Variants in HUWE1 observed in about 807,000 individuals in gnomAD.
HUWE1 encodes the protein HECT, UBA and WWE domain containing E3 ubiquitin protein ligase 1.
Under a neutral mutation model 299.4 loss-of-function variants are expected in HUWE1, and 18 were observed. That is an observed-to-expected ratio of 0.06 (90% CI 0.04 to 0.09). The LOEUF is 0.09. HUWE1 is among the 10% of genes least tolerant of loss of function. The probability of loss-of-function intolerance (pLI) is 1.00; values close to 1 mark genes in which losing one functional copy is unlikely to be tolerated. For synonymous variants in HUWE1, 1,317 were observed against 1,286.1 expected (o/e 1.02, Z -0.51); for missense variants, 1,832 against 3,462.3 (o/e 0.53, Z 11.82).
chrX:53,536,319 G>T, intron 79 of HUWE1, 61 bp downstream of exon 79: 1 of 1,159,384 alleles, frequency 8.6e-7, no homozygotes, highest in African/African-American at 1.8e-5. Flanking sequence ...ACAAGGATGG[G>T]ACACAAAAAG....
chrX:53,627,611 A>G, intron 16 of HUWE1, 96 bp from the exon 17 acceptor site: 1 of 774,605 alleles, frequency 1.3e-6, no homozygotes, highest in Non-Finnish European at 1.9e-6. Flanking sequence ...AAACACTGCA[A>G]GCAGATACAC....
intron 3 of HUWE1, 103 bp from the exon 4 acceptor site, chrX:53,654,234 C>T (rs895373541): frequency 1.5e-5 from 8 of 544,868 alleles, no homozygotes; most frequent in Non-Finnish European, 2.5e-5. Flanking sequence ...ATGCAAAATG[C>T]TTAAAGTAAA....
chrX:53,675,555 A>G (rs143524437), intron 3 of HUWE1, among the ~76,000 whole-genome samples: 344 of 111,023 alleles, frequency 3.1e-3, no homozygotes, highest in African/African-American at 0.011. Flanking sequence ...TGAGTTTCTC[A>G]AGGGCAGAGA....
intron 67 of HUWE1, 119 bp downstream of exon 67, chrX:53,548,840 G>T: frequency 1.8e-5 from 11 of 609,305 alleles, no homozygotes; most frequent in South Asian, 1.7e-4. Context: ...AAACAATACA[G>T]GGCTCAACAC....
chrX:53,612,327 T>TG (rs1201608750), intron 23 of HUWE1, among the ~76,000 whole-genome samples: 1 of 112,029 alleles, frequency 8.9e-6, no homozygotes, highest in East Asian at 2.8e-4. Context: ...CTACTGATAC[T>TG]GGGGTACAGT....
chrX:53,599,159 C>T (rs1396246503), intron 29 of HUWE1, among the ~76,000 whole-genome samples: 3 of 112,330 alleles, frequency 2.7e-5, no homozygotes, highest in African/African-American at 9.7e-5. Flanking sequence ...TGGGTTCACA[C>T]AGAAACCTCT....
intron 6 of HUWE1, among the ~76,000 whole-genome samples, chrX:53,645,669 C>T (rs1247182626): frequency 4.1e-5 from 4 of 97,948 alleles, no homozygotes; most frequent in Non-Finnish European, 8.1e-5. Flanking sequence ...GCCGAGATCA[C>T]GCCACTGCAC....
intron 7 of HUWE1, among the ~76,000 whole-genome samples, chrX:53,640,121 G>A (rs1273302383): frequency 8.9e-6 from 1 of 112,905 alleles, no homozygotes; most frequent in African/African-American, 3.2e-5. Flanking sequence ...CACTTTGGGA[G>A]GCCAAGGCGA....
In HUWE1 at chrX:53,600,291, G is replaced by A. The variant is rs1261409301; in HGVS notation, c.2990C>T (p.Ala997Val). ...GGTAGAAGCATCCATACTTCCAGCT[G>A]CTCCATCCTGTTCCCCATCTACAGA... ...GKRSDGEQDGAAGSMDASTQG... is the reference protein window; with the variant it reads ...GKRSDGEQDGVAGSMDASTQG... Residue 997 changes from alanine (A) to valine (V), a missense_variant, in exon 29 of 84, where the codon GCA becomes GTA. Ala to Val is a moderately conservative substitution (Grantham distance 64, BLOSUM62 0). Around this residue, in one of 15 missense-constraint regions of HUWE1, gnomAD observed 658 missense variants for 1,282.6 expected, o/e 0.51. Coordinates refer to ENST00000262854, the MANE Select transcript of HUWE1 (RefSeq NM_031407.7). The A allele has an allele frequency of 8.3e-7, 1 of 1,205,302 alleles. No individual in the cohort carries two copies. Among genetic ancestry groups the A allele is most frequent in the Non-Finnish European group, 1.1e-6 (1 of 890,720 alleles).
rs782509268 is a variant in HUWE1, at chrX:53,681,348, C to T, written c.-162-1162G>A. On this transcript the variant is annotated intron_variant, in intron 2 of 83. Transcript: ENST00000262854. Reference sequence around the variant, plus strand: ...ACTCGGGAGGCTGAGGCAGGTAAATCGCTTGAACCCAGGAGGCGGAGGTTG... The same window carrying T: ...ACTCGGGAGGCTGAGGCAGGTAAATTGCTTGAACCCAGGAGGCGGAGGTTG... Among the ~76,000 whole-genome samples the T allele has an allele frequency of 1.1e-4, 12 of 107,119 alleles. No individual in the cohort carries two copies. The East Asian group carries it at 1.8e-3, about 16-fold the overall frequency. 93.0% of individuals were successfully genotyped at this position (107,119 alleles called of 115,157 possible).
rs2069595208 is a variant in HUWE1 at position 53,672,365 on chromosome X, T to C, written c.-25+7684A>G. Among the ~76,000 whole-genome samples, 4 of 107,278 alleles carry C rather than the reference T, an allele frequency of 3.7e-5. No individual in the cohort carries two copies. The South Asian group carries it at 1.7e-3, about 45-fold the overall frequency. The allele number at this position is 107,278 out of a possible 115,157, so 93.2% of individuals were successfully genotyped here. On this transcript the variant is annotated intron_variant, in intron 3 of 83. Transcript: ENST00000262854. ...GCAACCTCCGCCTCCTGGGTTCAAG[T>C]GATTCTCCTGCCTCAGCCTCCCGAG...
chrX:53,585,467 T>G (rs1556972471), intron 39 of HUWE1, among the ~76,000 whole-genome samples: 1 of 111,558 alleles, frequency 9.0e-6, no homozygotes, highest in Non-Finnish European at 1.9e-5. Flanking sequence ...AAAGATAATA[T>G]TAGGTCATGG....
intron 29 of HUWE1, among the ~76,000 whole-genome samples, chrX:53,598,268 T>C (rs781899204): frequency 8.9e-6 from 1 of 112,095 alleles, no homozygotes; most frequent in Non-Finnish European, 1.9e-5. Flanking sequence ...GACCTTACTA[T>C]GATATGGGCA....
Position 53,659,624 on chromosome X carries a change from G to A in HUWE1, c.-24-5493C>T, listed in dbSNP as rs954013033. Among the ~76,000 whole-genome samples the A allele has an allele frequency of 5.4e-5, 6 of 111,903 alleles. No homozygotes were observed. In the Admixed American group the frequency reaches 5.7e-4, roughly 11 times the overall value. Reference sequence around the variant, plus strand: ...TATGATACTACAATGGTGGACACATGTTATTATGTGTCTAAACCCCAAAAG... The same window carrying A: ...TATGATACTACAATGGTGGACACATATTATTATGTGTCTAAACCCCAAAAG... On this transcript the variant is annotated intron_variant, in intron 3 of 83. Transcript: ENST00000262854.
Position 53,533,245 on chromosome X carries a change from T to G in HUWE1, c.*64A>C, listed in dbSNP as rs1556908185. The G allele has an allele frequency of 2.9e-6, 2 of 699,384 alleles. No individual in the cohort carries two copies. The highest frequency in any genetic ancestry group is 2.2e-5 in the African/African-American group (1 of 46,051). 57.6% of individuals were successfully genotyped at this position (699,384 alleles called of 1,213,427 possible). ...GACAATTTCTTTCTGGTTCTTTTTT[T>G]AACTCCCCCCTCCCCAGGTCCAACA... On this transcript the variant is annotated 3_prime_UTR_variant, in exon 84 of 84. Coordinates refer to ENST00000262854, the MANE Select transcript of HUWE1 (RefSeq NM_031407.7).
At chrX:53,558,934 G>A (rs2062158023) in intron 58 of HUWE1, 37 bp downstream of exon 58, 1 of 1,172,863 alleles carries the variant, frequency 8.5e-7, no homozygotes, top group South Asian at 1.8e-5. Flanking sequence ...AGCTCTGGAA[G>A]GCTCACTATT....
chrX:53,678,617 G>A (rs1390584855), intron 3 of HUWE1, among the ~76,000 whole-genome samples: 1 of 111,859 alleles, frequency 8.9e-6, no homozygotes, highest in East Asian at 2.8e-4. Flanking sequence ...AAATCAACAT[G>A]TAAGTAGAAG....
intron 14 of HUWE1, 33 bp from the exon 15 acceptor site, chrX:53,628,653 A>C (rs1293926057): frequency 1.7e-6 from 2 of 1,199,072 alleles, no homozygotes; most frequent in Non-Finnish European, 2.3e-6. Context: ...GAGAACAAAA[A>C]CAAGCTCAAA....
intron 12 of HUWE1, among the ~76,000 whole-genome samples, chrX:53,630,040 T>C (rs1340118284): frequency 8.9e-6 from 1 of 112,495 alleles, no homozygotes; most frequent in African/African-American, 3.2e-5. Flanking sequence ...GAAATTTGTG[T>C]GACACTGTAG....
Sources: allele counts gnomAD v4.1 joint callset (sites outside exome capture counted in the v4.1 genomes callset), GRCh38; gene constraint gnomAD v4.1.1; regional missense constraint gnomAD v4.1.1; transcripts MANE v1.5; gene names NCBI Gene and HGNC (gene_info 2026-07-23, HGNC 2026-07-21).